Variants in NPAS3 observed in about 807,000 individuals in gnomAD.
NPAS3 encodes the protein neuronal PAS domain-containing protein 3.
Under a neutral mutation model 73.1 loss-of-function variants are expected in NPAS3, and 14 were observed. The ratio of observed to expected loss-of-function variants is 0.19; its 90% CI spans 0.13 to 0.30. The LOEUF (loss-of-function observed/expected upper bound fraction) is 0.30. NPAS3 is among the 10% of genes least tolerant of loss of function. The pLI is 1.00. For synonymous variants in NPAS3, 620 were observed against 541.5 expected, an observed-to-expected ratio of 1.14 and a Z score of -2.01; for missense variants, 1,096 against 1,250.0, an observed-to-expected ratio of 0.88 and a Z score of 1.86.
At chr14:33,170,779 A>G (rs2045359308) in intron 2 of NPAS3, among the ~76,000 whole-genome samples, 1 of 152,174 alleles carries the variant, frequency 6.6e-6, no homozygotes, top group African/African-American at 2.4e-5. Flanking sequence ...TTCAGACTCT[A>G]CTTCTAACTT....
At chr14:33,769,745 A>ATTTTTTTTTT (rs5807743) in intron 7 of NPAS3, among the ~76,000 whole-genome samples, 1 of 103,366 alleles carries the variant, frequency 9.7e-6, no homozygotes, top group Non-Finnish European at 1.9e-5. Flanking sequence ...AAAGACTTGG[A>ATTTTTTTTTT]TTTTTTTTTT....
At chr14:32,992,643 A>G (rs1185730431) in intron 1 of NPAS3, among the ~76,000 whole-genome samples, 1 of 152,136 alleles carries the variant, frequency 6.6e-6, no homozygotes, top group Non-Finnish European at 1.5e-5. Flanking sequence ...ATATTTTCTG[A>G]GGTAAAAAGA....
At chr14:33,039,386 G>A (rs2040275212) in intron 1 of NPAS3, among the ~76,000 whole-genome samples, 1 of 152,228 alleles carries the variant, frequency 6.6e-6, no homozygotes, top group Non-Finnish European at 1.5e-5. Flanking sequence ...GATATTTACT[G>A]GAATCCACAA....
chr14:33,069,490 G>C (rs948879930), intron 2 of NPAS3, among the ~76,000 whole-genome samples: 2 of 152,210 alleles, frequency 1.3e-5, no homozygotes, highest in African/African-American at 4.8e-5. Flanking sequence ...TGTCAGTGTG[G>C]TGGGTAAGTG....
chr14:33,021,760 A>G (rs8006418), intron 1 of NPAS3, among the ~76,000 whole-genome samples: 3,873 of 152,286 alleles, frequency 0.025, 169 homozygotes, highest in African/African-American at 0.089. Flanking sequence ...TTAGGTAATA[A>G]ATAAAATATT....
intron 7 of NPAS3, among the ~76,000 whole-genome samples, chr14:33,746,562 T>C (rs916298475): frequency 6.6e-6 from 1 of 151,746 alleles, no homozygotes; most frequent in Non-Finnish European, 1.5e-5. Flanking sequence ...TTTGTAACAC[T>C]ATTATTCTAA....
chr14:33,133,928 C>G (rs2043734948), intron 2 of NPAS3, among the ~76,000 whole-genome samples: 1 of 152,052 alleles, frequency 6.6e-6, no homozygotes, highest in Non-Finnish European at 1.5e-5. Flanking sequence ...TAGGTGAAGG[C>G]ATTAGGGATC....
intron 6 of NPAS3, among the ~76,000 whole-genome samples, chr14:33,713,748 A>G (rs2060884601): frequency 6.6e-6 from 1 of 152,214 alleles, no homozygotes; most frequent in East Asian, 1.9e-4. Context: ...CCTCAGCTCT[A>G]CTGAAAACTC....
chr14:33,319,073 C>A (rs1255923615), intron 3 of NPAS3, among the ~76,000 whole-genome samples: 3 of 151,762 alleles, frequency 2.0e-5, no homozygotes, highest in African/African-American at 4.9e-5. Flanking sequence ...TCACCTGGCA[C>A]ATGGGCTGGG....
At chr14:33,642,742 A>G (rs1185199390) in intron 5 of NPAS3, among the ~76,000 whole-genome samples, 1 of 152,190 alleles carries the variant, frequency 6.6e-6, no homozygotes, top group African/African-American at 2.4e-5. Flanking sequence ...TTACAAGGTC[A>G]CAACAGAGCA....
intron 4 of NPAS3, among the ~76,000 whole-genome samples, chr14:33,464,358 C>T (rs576995004): frequency 6.6e-6 from 1 of 152,218 alleles, no homozygotes; most frequent in Admixed American, 6.5e-5. Context: ...CTCATGGTAA[C>T]AGTAAGGGCT....
At chr14:33,050,003 A>G (rs1355664930) in intron 1 of NPAS3, among the ~76,000 whole-genome samples, 2 of 152,186 alleles carry the variant, frequency 1.3e-5, no homozygotes, top group African/African-American at 4.8e-5. Flanking sequence ...GCTTTCCAGA[A>G]TTAGCAGAAA....
At chr14:33,204,721 G>A (rs1047541181) in intron 2 of NPAS3, among the ~76,000 whole-genome samples, 2 of 152,142 alleles carry the variant, frequency 1.3e-5, no homozygotes, top group Non-Finnish European at 2.9e-5. Flanking sequence ...AGAAACCCTA[G>A]CTGCATTCTA....
intron 2 of NPAS3, among the ~76,000 whole-genome samples, chr14:33,132,776 A>G (rs893320076): frequency 4.6e-5 from 7 of 152,324 alleles, no homozygotes; most frequent in Middle Eastern, 3.4e-3. Flanking sequence ...CAGTGTTCAA[A>G]GCCAGATGGT....
intron 2 of NPAS3, among the ~76,000 whole-genome samples, chr14:33,108,195 ATTTT>A (rs11373741): frequency 7.1e-6 from 1 of 140,414 alleles, no homozygotes; most frequent in African/African-American, 2.6e-5. Flanking sequence ...TATTGTTCTG[ATTTT>A]TTTTTTTTTT....
chr14:33,646,158 T>C (rs545509336), intron 5 of NPAS3, among the ~76,000 whole-genome samples: 3 of 152,106 alleles, frequency 2.0e-5, no homozygotes, highest in Non-Finnish European at 4.4e-5. Flanking sequence ...CCAGGCAAAA[T>C]TGGGACTGGA....
rs533636052 is a variant in NPAS3 at position 33,364,571 on chromosome 14, T to C, written c.386-2615T>C. 2.0e-5 allele frequency among the ~76,000 whole-genome samples: 3 copies of C among 152,222 alleles called. No individual in the cohort carries two copies. In the East Asian group the frequency reaches 5.8e-4, roughly 29 times the overall value. On this transcript the variant is annotated intron_variant, in intron 3 of 11. Coordinates refer to ENST00000356141, the Ensembl canonical transcript of NPAS3. ...AAAAATGCCATCGAATAGAATAGCATGAAACTACTTGCAAGATACTTGTAT... is the reference window on the plus strand; with the variant it reads ...AAAAATGCCATCGAATAGAATAGCACGAAACTACTTGCAAGATACTTGTAT...
intron 3 of NPAS3, among the ~76,000 whole-genome samples, chr14:33,219,604 G>A (rs2047348884): frequency 1.3e-5 from 2 of 152,266 alleles, no homozygotes; most frequent in African/African-American, 2.4e-5. Context: ...ACTATTTCGG[G>A]CATCTATTGT....
chr14:33,589,959 A>G (rs2057003830), intron 5 of NPAS3, among the ~76,000 whole-genome samples: 1 of 152,240 alleles, frequency 6.6e-6, no homozygotes. Context: ...GGTTTGGGAA[A>G]GTATCAGCAA....
Sources: allele counts gnomAD v4.1 joint callset (sites outside exome capture counted in the v4.1 genomes callset), GRCh38; gene constraint gnomAD v4.1.1; transcripts MANE v1.5; gene names NCBI Gene and HGNC (gene_info 2026-07-23, HGNC 2026-07-21).